TNR: variants seen among roughly 807,000 people sequenced by gnomAD.
TNR encodes the protein tenascin-R.
TNR carries 45 observed loss-of-function variants against 150.4 expected under a neutral mutation model. The observed-to-expected ratio is 0.30, with a 90% confidence interval of 0.24 to 0.38. TNR has a LOEUF of 0.38. TNR is among the 10% of genes least tolerant of loss of function. TNR has a pLI of 1.00. For synonymous variants in TNR, 687 were observed against 678.4 expected, an observed-to-expected ratio of 1.01 and a Z score of -0.20; for missense variants, 1,544 against 1,759.1, an observed-to-expected ratio of 0.88 and a Z score of 2.19.
At chr1:175,702,997 C>A (rs1666740178) in intron 1 of TNR, among the ~76,000 whole-genome samples, 2 of 150,534 alleles carry the variant, frequency 1.3e-5, no homozygotes. Flanking sequence ...CTGCTCTATA[C>A]AGAACACCAT....
At chr1:175,727,895 A>G (rs140986637) in intron 1 of TNR, among the ~76,000 whole-genome samples, 1 of 152,336 alleles carries the variant, frequency 6.6e-6, no homozygotes, top group African/African-American at 2.4e-5. Context: ...TCTCTTGAGA[A>G]AGGAGAAATA....
chr1:175,387,926 C>T (rs1047457981), intron 7 of TNR, among the ~76,000 whole-genome samples: 1 of 152,216 alleles, frequency 6.6e-6, no homozygotes, highest in African/African-American at 2.4e-5. Flanking sequence ...CCAGCACCAG[C>T]TAAAATGAAA....
intron 2 of TNR, among the ~76,000 whole-genome samples, chr1:175,521,261 C>G (rs1210336470): frequency 1.3e-5 from 2 of 152,194 alleles, no homozygotes; most frequent in Non-Finnish European, 2.9e-5. Flanking sequence ...CCTAGAACCT[C>G]CAGCTAATGA....
At chr1:175,442,584 T>G (rs1464004159) in intron 2 of TNR, among the ~76,000 whole-genome samples, 1 of 151,782 alleles carries the variant, frequency 6.6e-6, no homozygotes, top group Non-Finnish European at 1.5e-5. Flanking sequence ...CTAGAGGTGT[T>G]GTCTGTTGAG....
In TNR at chr1:175,486,098, C is replaced by A. The variant is rs569078317; in HGVS notation, c.-64+42171G>T. On this transcript the variant is annotated intron_variant, in intron 2 of 22. Transcript: ENST00000367674. ...TGGTTTTGGGATGAAACTGTTCCAC[C>A]TCAGAACATCAAGCATTAGGTTCTT... Among the ~76,000 whole-genome samples, 6 of 150,864 alleles carry A rather than the reference C, an allele frequency of 4.0e-5. No homozygotes were observed. In the South Asian group the frequency reaches 1.3e-3, roughly 32 times the overall value.
intron 20 of TNR, among the ~76,000 whole-genome samples, chr1:175,331,101 C>CTTTCTTTCTTTCTTTCTTTCTTTCTT (rs1368309847): frequency 1.6e-4 from 16 of 98,206 alleles, no homozygotes; most frequent in Non-Finnish European, 3.0e-4. Flanking sequence ...TTCTTTCTTT[C>CTTTCTTTCTTTCTTTCTTTCTTTCTT]TCTCTCTCTT....
chr1:175,727,617 T>G (rs1458068699), intron 1 of TNR, among the ~76,000 whole-genome samples: 1 of 151,984 alleles, frequency 6.6e-6, no homozygotes, highest in Non-Finnish European at 1.5e-5. Flanking sequence ...AATAAAGCAG[T>G]AAGGGAGAAA....
chr1:175,503,581 CA>C (rs1183432348), intron 2 of TNR, among the ~76,000 whole-genome samples: 2 of 152,118 alleles, frequency 1.3e-5, no homozygotes, highest in African/African-American at 4.8e-5. Context: ...TTAGGTATTT[CA>C]CAAGGTACCT....
At chr1:175,480,429 A>AAG (rs1213446210) in intron 2 of TNR, among the ~76,000 whole-genome samples, 2 of 149,724 alleles carry the variant, frequency 1.3e-5, no homozygotes, top group Admixed American at 6.7e-5. Flanking sequence ...AAAAGAAAGA[A>AAG]AGAAAGAAAG....
chr1:175,432,433 C>G (rs1428048183), intron 2 of TNR, among the ~76,000 whole-genome samples: 1 of 152,240 alleles, frequency 6.6e-6, no homozygotes, highest in Non-Finnish European at 1.5e-5. Flanking sequence ...GCCCAGGCAG[C>G]AAAAGTCACC....
At chr1:175,343,261 T>G (rs1265854308) in intron 18 of TNR, among the ~76,000 whole-genome samples, 1 of 152,192 alleles carries the variant, frequency 6.6e-6, no homozygotes, top group Non-Finnish European at 1.5e-5. Context: ...TTCACTATTC[T>G]TCAGCCTCAT....
intron 1 of TNR, among the ~76,000 whole-genome samples, chr1:175,706,174 C>T (rs1027722485): frequency 6.6e-6 from 1 of 152,136 alleles, no homozygotes; most frequent in African/African-American, 2.4e-5. Flanking sequence ...CCATAAAGTC[C>T]ACGTATCAGA....
At chr1:175,412,836 A>T (rs61046956) in intron 2 of TNR, among the ~76,000 whole-genome samples, 319 of 152,280 alleles carry the variant, frequency 2.1e-3, no homozygotes, top group African/African-American at 7.4e-3. Context: ...AGTGAAACTA[A>T]TGTTTATTAA....
At chr1:175,417,651 T>C (rs1376325756) in intron 2 of TNR, among the ~76,000 whole-genome samples, 2 of 152,260 alleles carry the variant, frequency 1.3e-5, no homozygotes, top group Non-Finnish European at 2.9e-5. Context: ...CTTTTTTTTT[T>C]CTTAGAACAT....
At chr1:175,331,257 CCCTT>C (rs753771590) in intron 20 of TNR, among the ~76,000 whole-genome samples, 3 of 122,844 alleles carry the variant, frequency 2.4e-5, no homozygotes, top group Non-Finnish European at 5.0e-5. Context: ...CTCCCTCCCT[CCCTT>C]CCTTCCTTTC....
intron 9 of TNR, among the ~76,000 whole-genome samples, chr1:175,371,982 T>A (rs902461738): frequency 2.2e-4 from 34 of 151,890 alleles, no homozygotes; most frequent in Non-Finnish European, 2.7e-4. Context: ...TGGGGCCCAG[T>A]GGGAGGTGTT....
chr1:175,600,143 A>G (rs528378080), intron 1 of TNR, among the ~76,000 whole-genome samples: 23 of 152,308 alleles, frequency 1.5e-4, no homozygotes, highest in Non-Finnish European at 3.2e-4. Context: ...CAGGTTACTT[A>G]ACTCCCTTGT....
intron 2 of TNR, among the ~76,000 whole-genome samples, chr1:175,507,005 G>A (rs1247055492): frequency 6.6e-6 from 1 of 152,136 alleles, no homozygotes; most frequent in Non-Finnish European, 1.5e-5. Flanking sequence ...GGAGTGTGCG[G>A]GCCACAGGGT....
At chr1:175,610,246 A>G (rs763597059) in intron 1 of TNR, among the ~76,000 whole-genome samples, 26 of 152,240 alleles carry the variant, frequency 1.7e-4, no homozygotes, top group Non-Finnish European at 3.5e-4. Context: ...GAGAAGGTTA[A>G]GAAATAACCC....
Sources: allele counts gnomAD v4.1 joint callset (sites outside exome capture counted in the v4.1 genomes callset), GRCh38; gene constraint gnomAD v4.1.1; transcripts MANE v1.5; gene names NCBI Gene and HGNC (gene_info 2026-07-23, HGNC 2026-07-21).